The following NOS1AP variants were observed in gnomAD, a reference collection of about 807,000 sequenced individuals.
NOS1AP encodes carboxyl-terminal PDZ ligand of neuronal nitric oxide synthase protein.
Under a neutral mutation model 56.2 loss-of-function variants are expected in NOS1AP, and 21 were observed. That is an observed-to-expected ratio of 0.37 (90% CI 0.26 to 0.54). The LOEUF is 0.54. NOS1AP is among the 20% of genes least tolerant of loss of function. NOS1AP has a pLI of 0.84. For missense variants in NOS1AP, 522 were observed against 657.8 expected (o/e 0.79, Z 2.26); for synonymous variants, 270 against 274.6 (o/e 0.98, Z 0.17).
chr1:162,270,658 C>A (rs1379988910), intron 2 of NOS1AP, among the ~76,000 whole-genome samples: 1 of 152,136 alleles, frequency 6.6e-6, no homozygotes, highest in Admixed American at 6.5e-5. Context: ...TGAGAAAATC[C>A]AGTTTCTCTT....
intron 9 of NOS1AP, among the ~76,000 whole-genome samples, chr1:162,366,166 C>T (rs1406303834): frequency 2.0e-5 from 3 of 152,122 alleles, no homozygotes; most frequent in South Asian, 2.1e-4. Context: ...CTGGGCTGGG[C>T]AGCTGTAGAT....
At chr1:162,328,540 C>A (rs1378328781) in intron 4 of NOS1AP, among the ~76,000 whole-genome samples, 1 of 152,178 alleles carries the variant, frequency 6.6e-6, no homozygotes, top group African/African-American at 2.4e-5. Flanking sequence ...TGTAAGCTGA[C>A]CCCTCTGCAC....
chr1:162,294,883 A>G (rs1358070567), intron 3 of NOS1AP, among the ~76,000 whole-genome samples: 2 of 151,998 alleles, frequency 1.3e-5, no homozygotes, highest in Non-Finnish European at 2.9e-5. Context: ...CCCACTCACA[A>G]TTTTTTCTCC....
intron 1 of NOS1AP, among the ~76,000 whole-genome samples, chr1:162,104,717 A>C (rs1055261488): frequency 2.6e-4 from 40 of 151,828 alleles, no homozygotes; most frequent in Non-Finnish European, 4.4e-5. Context: ...TTGTCATTGC[A>C]TTGTGAAGTT....
chr1:162,202,085 C>T (rs1192554237), intron 2 of NOS1AP, among the ~76,000 whole-genome samples: 2 of 152,004 alleles, frequency 1.3e-5, no homozygotes, highest in African/African-American at 2.4e-5. Flanking sequence ...GAAAGGTTGT[C>T]CTGGGGATCT....
At chr1:162,132,194 A>G (rs77259075) in intron 1 of NOS1AP, among the ~76,000 whole-genome samples, 82 of 152,338 alleles carry the variant, frequency 5.4e-4, no homozygotes, top group Non-Finnish European at 1.0e-3. Flanking sequence ...TGACTCTGCC[A>G]AATACCGGAT....
chr1:162,305,532 G>T (rs1655797738), intron 4 of NOS1AP, among the ~76,000 whole-genome samples: 1 of 151,954 alleles, frequency 6.6e-6, no homozygotes, highest in Non-Finnish European at 1.5e-5. Flanking sequence ...TATCTCTGGA[G>T]CCACAAATAT....
At chr1:162,229,183 G>A (rs1189189609) in intron 2 of NOS1AP, among the ~76,000 whole-genome samples, 1 of 152,184 alleles carries the variant, frequency 6.6e-6, no homozygotes, top group Admixed American at 6.5e-5. Flanking sequence ...CTGCTTGGCT[G>A]TGGCTCGGGA....
At chr1:162,151,174 ACATAT>A (rs2102090171) in intron 1 of NOS1AP, among the ~76,000 whole-genome samples, 1 of 152,324 alleles carries the variant, frequency 6.6e-6, no homozygotes, top group East Asian at 1.9e-4. Context: ...TTATTCTTCT[ACATAT>A]GGATATCCAG....
At chr1:162,168,130 T>C (rs1226754828) in intron 2 of NOS1AP, among the ~76,000 whole-genome samples, 1 of 152,194 alleles carries the variant, frequency 6.6e-6, no homozygotes, top group Admixed American at 6.5e-5. Flanking sequence ...GAAGAGGAGA[T>C]TCAGTAACCT....
chr1:162,098,104 T>C (rs1692291179), intron 1 of NOS1AP, among the ~76,000 whole-genome samples: 1 of 26,320 alleles, frequency 3.8e-5, no homozygotes, highest in African/African-American at 1.3e-4. Context: ...CTCTTTTGCT[T>C]TTTTTTTTTT....
intron 1 of NOS1AP, among the ~76,000 whole-genome samples, chr1:162,149,860 A>G (rs1045046004): frequency 3.9e-5 from 6 of 152,192 alleles, no homozygotes; most frequent in Middle Eastern, 6.3e-3. Context: ...GGTACATAAT[A>G]GGTGTATAGG....
chr1:162,307,842 T>G (rs1344330610), intron 4 of NOS1AP, among the ~76,000 whole-genome samples: 1 of 151,616 alleles, frequency 6.6e-6, no homozygotes, highest in African/African-American at 2.4e-5. Flanking sequence ...GAATTAGAAG[T>G]CTATTCCAAC....
At chr1:162,125,077 G>A (rs952721831) in intron 1 of NOS1AP, among the ~76,000 whole-genome samples, 7 of 150,822 alleles carry the variant, frequency 4.6e-5, no homozygotes, top group African/African-American at 1.2e-4. Context: ...CACCAGCAGT[G>A]AGTAAGTGTT....
intron 3 of NOS1AP, among the ~76,000 whole-genome samples, chr1:162,297,324 T>C (rs1655497443): frequency 6.6e-6 from 1 of 152,206 alleles, no homozygotes; most frequent in Non-Finnish European, 1.5e-5. Context: ...GAAGTGAAGA[T>C]GCATTCTCTC....
chr1:162,114,857 G>A (rs879294070), intron 1 of NOS1AP, among the ~76,000 whole-genome samples: 16 of 152,156 alleles, frequency 1.1e-4, no homozygotes, highest in Non-Finnish European at 1.5e-4. Flanking sequence ...TGACTAAATC[G>A]GAAGTTGTTG....
At chr1:162,103,884 T>C (rs1233394245) in intron 1 of NOS1AP, among the ~76,000 whole-genome samples, 1 of 152,236 alleles carries the variant, frequency 6.6e-6, no homozygotes, top group Admixed American at 6.5e-5. Flanking sequence ...TGTCTTTTAA[T>C]TGGGGCATTT....
intron 2 of NOS1AP, among the ~76,000 whole-genome samples, chr1:162,236,314 A>T (rs1322028545): frequency 6.6e-6 from 1 of 152,198 alleles, no homozygotes; most frequent in East Asian, 1.9e-4. Context: ...AATAACAAAA[A>T]CTACCATTAT....
intron 1 of NOS1AP, among the ~76,000 whole-genome samples, chr1:162,089,417 A>G (rs938215817): frequency 1.3e-5 from 2 of 152,332 alleles, no homozygotes; most frequent in East Asian, 3.9e-4. Context: ...ATTACTGAAA[A>G]CAGTCCAAAA....
Sources: gnomAD v4.1 joint callset for allele counts (sites outside exome capture counted in the v4.1 genomes callset) on GRCh38, gnomAD v4.1.1 for gene constraint, MANE v1.5 for transcripts, NCBI Gene and HGNC (gene_info 2026-07-23, HGNC 2026-07-21) for gene names.